TUSC3: variants seen among roughly 807,000 people sequenced by gnomAD.
The protein encoded by TUSC3 is dolichyl-diphosphooligosaccharide--protein glycosyltransferase subunit TUSC3.
Under a neutral mutation model 44.8 loss-of-function variants are expected in TUSC3, and 45 were observed. That is an observed-to-expected ratio of 1.00 (90% CI 0.79 to 1.29). The LOEUF (loss-of-function observed/expected upper bound fraction) is 1.29. Ranked by LOEUF, TUSC3 falls within the 50% of genes most tolerant of loss-of-function variation. The probability of loss-of-function intolerance (pLI) is 0.00; values close to 1 mark genes in which losing one functional copy is unlikely to be tolerated. For missense variants in TUSC3, 519 were observed against 437.9 expected, an observed-to-expected ratio of 1.19 and a Z score of -1.65; for synonymous variants, 212 against 152.9, an observed-to-expected ratio of 1.39 and a Z score of -2.85.
chr8:15,833,375 T>C, the TUSC3 span, among the ~76,000 whole-genome samples: 2 of 152,134 alleles, frequency 1.3e-5, no homozygotes, highest in Non-Finnish European at 2.9e-5. Context: ...CCAAAAGGAA[T>C]ATAAATCATT....
At chr8:15,489,228 A>G (rs2036457377) in intron 2 of TUSC3, among the ~76,000 whole-genome samples, 1 of 152,200 alleles carries the variant, frequency 6.6e-6, no homozygotes. Flanking sequence ...AACTTGAAGT[A>G]GGGGTTTCTG....
intron 2 of TUSC3, among the ~76,000 whole-genome samples, chr8:15,534,670 C>T (rs1021657223): frequency 4.6e-5 from 7 of 151,470 alleles, no homozygotes; most frequent in African/African-American, 1.7e-4. Context: ...AAACTTCAGC[C>T]AAATTAAATT....
At chr8:15,822,042 C>T in the TUSC3 span, among the ~76,000 whole-genome samples, 2 of 151,994 alleles carry the variant, frequency 1.3e-5, no homozygotes, top group Admixed American at 1.3e-4. Context: ...TTTCTAGATG[C>T]CCTTAAAATC....
chr8:15,741,977 A>C (rs192026422), intron 7 of TUSC3, among the ~76,000 whole-genome samples: 2 of 152,178 alleles, frequency 1.3e-5, no homozygotes, highest in Non-Finnish European at 2.9e-5. Flanking sequence ...GTTATTAACA[A>C]TGTCCCATGT....
chr8:15,518,067 C>G (rs529147673), intron 2 of TUSC3, among the ~76,000 whole-genome samples: 1 of 152,052 alleles, frequency 6.6e-6, no homozygotes, highest in Admixed American at 6.6e-5. Context: ...AACTATTCCA[C>G]TTTCAGTCTC....
chr8:15,821,488 G>A, the TUSC3 span, among the ~76,000 whole-genome samples: 1 of 150,184 alleles, frequency 6.7e-6, no homozygotes, highest in Non-Finnish European at 1.5e-5. Flanking sequence ...TCCAATCTCA[G>A]CCTTATACTG....
At chr8:15,692,375 G>GTTTTT (rs59838929) in intron 6 of TUSC3, among the ~76,000 whole-genome samples, 40 of 68,354 alleles carry the variant, frequency 5.9e-4, no homozygotes, top group East Asian at 1.0e-3. Context: ...CCCCCCCTTT[G>GTTTTT]TTTTTTTTTT....
In TUSC3 at chr8:15,701,477, GTT is replaced by G. The variant is rs550748628; in HGVS notation, c.798+27643_798+27644del. Among the ~76,000 whole-genome samples, 176 of 152,198 alleles carry G rather than the reference GTT, an allele frequency of 1.2e-3. No individual in the cohort carries two copies. In the Middle Eastern group the frequency reaches 0.014, roughly 12 times the overall value. On this transcript the variant is annotated intron_variant, in intron 6 of 10. Transcript: ENST00000503731. ...CATAGAATAATATTACCAGAATAGT[GTT>G]TCAGGAAGGAAGTTAATTTTGTAGT... is the stretch of plus-strand genomic sequence containing the variant.
At chr8:15,655,441 G>T (rs181894660) in intron 3 of TUSC3, among the ~76,000 whole-genome samples, 2 of 152,308 alleles carry the variant, frequency 1.3e-5, no homozygotes, top group Admixed American at 1.3e-4. Context: ...CACTGTGCAG[G>T]CACATAGCCC....
chr8:15,598,770 A>G (rs1256928284), intron 1 of TUSC3, among the ~76,000 whole-genome samples: 1 of 151,608 alleles, frequency 6.6e-6, no homozygotes, highest in African/African-American at 2.4e-5. Context: ...TCATGGTTTG[A>G]TAGCTCATTT....
chr8:15,570,904 T>C (rs761054253), intron 1 of TUSC3, among the ~76,000 whole-genome samples: 47 of 149,132 alleles, frequency 3.2e-4, no homozygotes, highest in African/African-American at 2.4e-4. Flanking sequence ...TTTGATCTTA[T>C]ATATATTAAA....
At chr8:15,530,206 T>C (rs908113282) in intron 2 of TUSC3, among the ~76,000 whole-genome samples, 1 of 152,006 alleles carries the variant, frequency 6.6e-6, no homozygotes, top group Non-Finnish European at 1.5e-5. Flanking sequence ...ATAAGGACAG[T>C]TTGACAAGTC....
At chr8:15,704,189 G>A (rs1301307072) in intron 6 of TUSC3, among the ~76,000 whole-genome samples, 2 of 150,612 alleles carry the variant, frequency 1.3e-5, no homozygotes, top group Non-Finnish European at 2.9e-5. Flanking sequence ...ATGAGAGAGT[G>A]ATTTATATAG....
At chr8:15,734,255 A>G (rs1810842425) in intron 7 of TUSC3, among the ~76,000 whole-genome samples, 1 of 152,230 alleles carries the variant, frequency 6.6e-6, no homozygotes, top group Admixed American at 6.5e-5. Context: ...AAGTCAGATT[A>G]TCAGATGCAG....
chr8:15,769,815 A>G (rs1385168183), downstream of TUSC3, among the ~76,000 whole-genome samples: 1 of 152,258 alleles, frequency 6.6e-6, no homozygotes, highest in East Asian at 1.9e-4. Context: ...AACGTTAAAG[A>G]AAGCTCATCA....
chr8:15,751,677 C>T (rs1224718836), intron 9 of TUSC3, among the ~76,000 whole-genome samples: 2 of 130,316 alleles, frequency 1.5e-5, no homozygotes, highest in African/African-American at 5.2e-5. Flanking sequence ...AAGCCAAATA[C>T]AATGACAAGT....
chr8:15,621,610 T>C lies in TUSC3; in HGVS notation c.139-1470T>C, dbSNP rs978680223. Among the ~76,000 whole-genome samples the C allele has an allele frequency of 1.2e-4, 18 of 148,022 alleles. No individual in the cohort carries two copies. In the Admixed American group the frequency reaches 1.2e-3, roughly 10 times the overall value. ...ATATATATGGATTTATATATATAAA[T>C]TATACATAAATATTATATATAGATA... On this transcript the variant is annotated intron_variant, in intron 1 of 10. Coordinates refer to ENST00000503731, the MANE Select transcript of TUSC3 (RefSeq NM_006765.4).
chr8:15,850,514 G>C, the TUSC3 span, among the ~76,000 whole-genome samples: 6 of 151,748 alleles, frequency 4.0e-5, no homozygotes, highest in African/African-American at 1.5e-4. Flanking sequence ...GTTTTGATTC[G>C]CTTCTCATAT....
intron 1 of TUSC3, among the ~76,000 whole-genome samples, chr8:15,563,682 T>A (rs1802560656): frequency 1.9e-5 from 1 of 53,590 alleles, no homozygotes; most frequent in African/African-American, 6.9e-5. Flanking sequence ...TGAGCCTCCA[T>A]CTCAAAAAAA....
Sources: gnomAD v4.1 joint callset for allele counts (sites outside exome capture counted in the v4.1 genomes callset) on GRCh38, gnomAD v4.1.1 for gene constraint, MANE v1.5 for transcripts, NCBI Gene and HGNC (gene_info 2026-07-23, HGNC 2026-07-21) for gene names.